TCF4: variants seen among roughly 807,000 people sequenced by gnomAD.
The protein encoded by TCF4 is transcription factor 4, also known as SL3-3 enhancer factor 2.
A neutral mutation model predicts 82.1 loss-of-function variants in TCF4; 3 were observed. The observed-to-expected ratio is 0.04, with a 90% CI of 0.02 to 0.09. The LOEUF (loss-of-function observed/expected upper bound fraction) is 0.09, where lower values mean the gene tolerates loss of function less well. Among genes scored for constraint, TCF4 ranks in the 10% least tolerant of loss-of-function variants. TCF4 has a pLI of 1.00. For synonymous variants in TCF4, 276 were observed against 309.6 expected (o/e 0.89, Z 1.14); for missense variants, 518 against 852.7 (o/e 0.61, Z 4.89).
intron 3 of TCF4, among the ~76,000 whole-genome samples, chr18:55,505,421 G>A (rs1221788536): frequency 2.0e-5 from 3 of 152,082 alleles, no homozygotes; most frequent in African/African-American, 4.8e-5. Context: ...GGGTACTCAT[G>A]TAAGTAATTT....
chr18:55,285,580 A>AT (rs2063507190), intron 8 of TCF4, among the ~76,000 whole-genome samples: 1 of 152,240 alleles, frequency 6.6e-6, no homozygotes, highest in African/African-American at 2.4e-5. Context: ...CACAGTAGCC[A>AT]TATTTCAAGT....
At chr18:55,228,097 TAA>T in intron 19 of TCF4, 67 bp from the exon 20 acceptor site, 1 of 1,274,786 alleles carries the variant, frequency 7.8e-7, no homozygotes, top group Non-Finnish European at 1.1e-6. Flanking sequence ...ATGCTTTTTT[TAA>T]AAAAAATTCT....
At position 55,344,217 on chromosome 18, in the gene TCF4, G is replaced by C. The variant is rs535725610; in HGVS notation, c.549+6142C>G. ...CATAGAAAATGCAGAAATTGTCAGT[G>C]ATCTGGAAAAAAGGAGAACATTTTG... On this transcript the variant is annotated intron_variant, in intron 8 of 19. Transcript: ENST00000354452. Among the ~76,000 whole-genome samples the C allele has an allele frequency of 2.6e-4, 40 of 152,150 alleles. 1 individual carries two copies. In the South Asian group the frequency reaches 3.1e-3, roughly 12 times the overall value.
At chr18:55,559,073 G>A (rs2097331951) in intron 3 of TCF4, among the ~76,000 whole-genome samples, 1 of 140,350 alleles carries the variant, frequency 7.1e-6, no homozygotes, top group Admixed American at 7.3e-5. Flanking sequence ...TCTGATCAAG[G>A]ATCAATCCAT....
chr18:55,234,280 T>C (rs1262023024), intron 16 of TCF4: 2 of 574,650 alleles, frequency 3.5e-6, no homozygotes, highest in African/African-American at 3.7e-5. Context: ...ATAGCTAAAA[T>C]AAAATTTCCT....
At chr18:55,514,284 G>A (rs1401597431) in intron 3 of TCF4, among the ~76,000 whole-genome samples, 8 of 151,938 alleles carry the variant, frequency 5.3e-5, no homozygotes, top group Non-Finnish European at 7.4e-5. Context: ...TTGTGGCATC[G>A]AGCAACATGG....
At chr18:55,346,973 CA>C (rs1460342038) in intron 8 of TCF4, among the ~76,000 whole-genome samples, 7 of 151,954 alleles carry the variant, frequency 4.6e-5, no homozygotes, top group African/African-American at 1.7e-4. Context: ...TGTATGAATT[CA>C]TGATTCAATG....
intron 13 of TCF4, chr18:55,259,627 T>C (rs2145668267): frequency 7.1e-6 from 2 of 281,996 alleles, no homozygotes; most frequent in East Asian, 1.5e-4. Context: ...TGAGTTTTTT[T>C]CATCTGAGAC....
chr18:55,417,037 T>C (rs1208902304), intron 5 of TCF4, among the ~76,000 whole-genome samples: 2 of 152,220 alleles, frequency 1.3e-5, no homozygotes, highest in Non-Finnish European at 2.9e-5. Context: ...TGTTCCATGG[T>C]AGGCCATATG....
intron 3 of TCF4, among the ~76,000 whole-genome samples, chr18:55,468,622 T>G (rs1415247763): frequency 1.3e-5 from 2 of 152,206 alleles, no homozygotes; most frequent in East Asian, 3.8e-4. Flanking sequence ...TGATGTACGT[T>G]TATTATAGGA....
At chr18:55,296,586 A>T (rs1293110798) in intron 8 of TCF4, among the ~76,000 whole-genome samples, 2 of 152,168 alleles carry the variant, frequency 1.3e-5, no homozygotes, top group African/African-American at 2.4e-5. Flanking sequence ...TCAATTTAAT[A>T]GCAATATTGT....
intron 14 of TCF4, among the ~76,000 whole-genome samples, chr18:55,256,598 T>C (rs1026805430): frequency 2.6e-5 from 4 of 152,120 alleles, no homozygotes; most frequent in African/African-American, 9.7e-5. Context: ...TCTTCTTCCA[T>C]GTGTCATCTC....
intron 8 of TCF4, among the ~76,000 whole-genome samples, chr18:55,281,655 C>T (rs1438719936): frequency 6.6e-6 from 1 of 151,556 alleles, no homozygotes; most frequent in Non-Finnish European, 1.5e-5. Context: ...TATCCTTAAA[C>T]ATATATATCA....
intron 5 of TCF4, among the ~76,000 whole-genome samples, chr18:55,410,649 C>T (rs1321552876): frequency 6.6e-6 from 1 of 152,016 alleles, no homozygotes; most frequent in East Asian, 1.9e-4. Context: ...ACACAGACCT[C>T]CAGTTCCAGT....
Position 55,409,025 on chromosome 18 carries a change from T to A in TCF4, c.305-5507A>T, listed in dbSNP as rs1158012774. ...AATGATACACATGGATTCTGTGACATCTTACAATAAACTGCCACCATCTCC... is the reference window on the plus strand; with the variant it reads ...AATGATACACATGGATTCTGTGACAACTTACAATAAACTGCCACCATCTCC... On this transcript the variant is annotated intron_variant, in intron 5 of 19. Coordinates refer to ENST00000354452, the MANE Select transcript of TCF4 (RefSeq NM_001083962.2). Among the ~76,000 whole-genome samples, 5 of 152,208 alleles carry A rather than the reference T, an allele frequency of 3.3e-5. 1 individual carries two copies. Among genetic ancestry groups the A allele is most frequent in the African/African-American group, 7.2e-5 (3 of 41,450 alleles).
chr18:55,350,680 A>C (rs1261906365), intron 7 of TCF4, among the ~76,000 whole-genome samples, 194 bp downstream of exon 7: 1 of 151,896 alleles, frequency 6.6e-6, no homozygotes, highest in Non-Finnish European at 1.5e-5. Context: ...ACACCAAAAA[A>C]GTTCTGCTAC....
chr18:55,354,848 G>T (rs180744213), intron 6 of TCF4, among the ~76,000 whole-genome samples: 92 of 152,242 alleles, frequency 6.0e-4, no homozygotes, highest in African/African-American at 2.1e-3. Context: ...GTAGGAGAAA[G>T]AAAATCTCTG....
chr18:55,324,912 A>T (rs1319857160), intron 8 of TCF4, among the ~76,000 whole-genome samples: 1 of 152,084 alleles, frequency 6.6e-6, no homozygotes, highest in East Asian at 1.9e-4. Context: ...CACGATTCTT[A>T]TTTTCTTCTA....
intron 10 of TCF4, among the ~76,000 whole-genome samples, chr18:55,271,409 C>T (rs2060341597): frequency 6.6e-6 from 1 of 152,056 alleles, no homozygotes; most frequent in East Asian, 1.9e-4. Flanking sequence ...AATTGGTTAT[C>T]AGTCAGAATT....
Sources: allele counts gnomAD v4.1 joint callset (sites outside exome capture counted in the v4.1 genomes callset), GRCh38; gene constraint gnomAD v4.1.1; transcripts MANE v1.5; gene names NCBI Gene and HGNC (gene_info 2026-07-23, HGNC 2026-07-21).